AASS: variants seen among roughly 807,000 people sequenced by gnomAD.
The protein encoded by AASS is alpha-aminoadipic semialdehyde synthase, mitochondrial.
In AASS, 86 loss-of-function variants were observed where a neutral mutation model predicts 105.4. The observed-to-expected ratio is 0.82, with a 90% CI of 0.69 to 0.98. The LOEUF (loss-of-function observed/expected upper bound fraction) is 0.98. Ranked by LOEUF, AASS falls within the 50% of genes least tolerant of loss-of-function variation. AASS has a pLI of 0.00. For missense variants in AASS, 1,048 were observed against 1,143.2 expected, an observed-to-expected ratio of 0.92 and a Z score of 1.20; for synonymous variants, 381 against 394.8, an observed-to-expected ratio of 0.96 and a Z score of 0.41.
intron 4 of AASS, among the ~76,000 whole-genome samples, chr7:122,122,481 A>C (rs1795484174): frequency 6.6e-6 from 1 of 152,198 alleles, no homozygotes; most frequent in South Asian, 2.1e-4. Context: ...ATGCTCCTAA[A>C]AGGAAAACAA....
rs1255544805 is a variant in AASS, at chr7:122,074,938, C to T, written c.*1551G>A. Among the ~76,000 whole-genome samples the T allele has an allele frequency of 1.3e-5, 2 of 152,146 alleles. No individual in the cohort carries two copies. Among genetic ancestry groups the T allele is most frequent in the African/African-American group, 4.8e-5 (2 of 41,426 alleles). The stretch of plus-strand genomic sequence containing the variant: ...GCAGTGACCCAGTTATAGCTCATTG[C>T]AGCTTCGAACTTTGGGGCTCAAGCC... On this transcript the variant is annotated 3_prime_UTR_variant, in exon 24 of 24. Coordinates refer to ENST00000417368, the MANE Select transcript of AASS (RefSeq NM_005763.4).
intron 3 of AASS, among the ~76,000 whole-genome samples, chr7:122,127,829 C>A (rs1795725493): frequency 2.6e-5 from 4 of 152,086 alleles, no homozygotes; most frequent in Non-Finnish European, 5.9e-5. Flanking sequence ...GCTCTAGACA[C>A]CACCTGGTCT....
At chr7:122,125,317 A>G (rs1795608132) in intron 4 of AASS, among the ~76,000 whole-genome samples, 1 of 152,230 alleles carries the variant, frequency 6.6e-6, no homozygotes, top group Admixed American at 6.5e-5. Context: ...ATTAATAATA[A>G]GCAGAATGAC....
Position 122,086,079 on chromosome 7 carries a change from G to C in AASS, c.2117C>G (p.Thr706Arg), listed in dbSNP as rs147491865. 2.5e-6 allele frequency: 4 copies of C among 1,613,444 alleles called. No homozygotes were observed. In the African/African-American group the frequency reaches 5.3e-5, roughly 22 times the overall value. The change falls in exon 19 of 24, where the codon ACG becomes AGG. Residue 706 changes from threonine to arginine, a missense_variant. By Grantham distance (71) the Thr-to-Arg change is moderately conservative. Coordinates refer to ENST00000417368, the MANE Select transcript of AASS (RefSeq NM_005763.4). ...AATGCCATAAATCTCAGCATATTTC[G>C]TACTGTCTCTGTTAGGATAGCCTTC... ...NLEGYPNRDS[T>R]KYAEIYGISS...
intron 18 of AASS, among the ~76,000 whole-genome samples, chr7:122,087,788 T>C (rs1793697451): frequency 1.3e-5 from 2 of 152,204 alleles, no homozygotes; most frequent in African/African-American, 4.8e-5. Flanking sequence ...GTTTGCTTGT[T>C]TGAAAGTCAG....
At chr7:122,120,135 G>T (rs539125738) in intron 4 of AASS, among the ~76,000 whole-genome samples, 15 of 152,170 alleles carry the variant, frequency 9.9e-5, no homozygotes, top group Admixed American at 9.8e-4. Flanking sequence ...TATTTCAGTT[G>T]ATTTCTCTGC....
chr7:122,116,947 G>C lies in AASS; in HGVS notation c.698C>G (p.Ala233Gly). ...TTCACAAGGTAGCTCATTAAAGATT[G>C]CTTGGGCTCCCTACAAATAACACAT... ...GTGNVSKGAQAIFNELPCEYV... is the reference protein window; with the variant it reads ...GTGNVSKGAQGIFNELPCEYV... Residue 233 changes from alanine to glycine, a missense_variant, in exon 7 of 24, where the codon GCA (alanine) becomes GGA (glycine). Ala to Gly is a moderately conservative substitution (Grantham distance 60). Coordinates refer to ENST00000417368, the MANE Select transcript of AASS (RefSeq NM_005763.4). 1 of 1,613,728 alleles carries C rather than the reference G, an allele frequency of 6.2e-7. No individual in the cohort carries two copies. The highest frequency in any genetic ancestry group is 8.5e-7 in the Non-Finnish European group (1 of 1,179,894).
intron 15 of AASS, among the ~76,000 whole-genome samples, chr7:122,097,049 G>T (rs938669210): frequency 1.3e-5 from 2 of 151,936 alleles, no homozygotes; most frequent in Admixed American, 6.6e-5. Context: ...AAAAATTAAC[G>T]CTCATAACAT....
chr7:122,133,810 G>C, intron 1 of AASS, 69 bp from the exon 2 acceptor site: 3 of 1,313,678 alleles, frequency 2.3e-6, no homozygotes, highest in Non-Finnish European at 3.3e-6. Context: ...CTGGTCTCCT[G>C]AGAAATCTGA....
At chr7:122,103,616 G>T (rs1794532295) in intron 11 of AASS, among the ~76,000 whole-genome samples, 1 of 151,940 alleles carries the variant, frequency 6.6e-6, no homozygotes, top group Admixed American at 6.6e-5. Context: ...CTCTAGGATG[G>T]AAGTTAAAAT....
chr7:122,136,217 C>T (rs750137718), intron 1 of AASS, among the ~76,000 whole-genome samples: 5 of 152,142 alleles, frequency 3.3e-5, no homozygotes, highest in Non-Finnish European at 7.4e-5. Flanking sequence ...GAAGGCTTGA[C>T]CAAACAATTA....
At chr7:122,090,811 A>G (rs1157893323) in intron 18 of AASS, among the ~76,000 whole-genome samples, 1 of 151,922 alleles carries the variant, frequency 6.6e-6, no homozygotes, top group African/African-American at 2.4e-5. Flanking sequence ...TAACTCCCTA[A>G]ACCTGATTTT....
In AASS at chr7:122,092,879, C is replaced by T. The variant is rs750790934; in HGVS notation, c.1839G>A (p.Met613Ile). 1 of 1,613,890 alleles carries T rather than the reference C, an allele frequency of 6.2e-7. No homozygotes were observed. Among genetic ancestry groups the T allele is most frequent in the Non-Finnish European group, 8.5e-7 (1 of 1,179,890 alleles). Residue 613 changes from methionine (M) to isoleucine (I), a missense_variant, in exon 17 of 24, where the codon ATG becomes ATA. Transcript: ENST00000417368. ...CTTCCTTGGCTTTATCTATTGTTTC[C>T]ATTGCTAACATGTGATCCAGACCAG... is the stretch of plus-strand genomic sequence containing the variant. ...LDPGLDHMLA[M>I]ETIDKAKEVG...
chr7:122,079,735 T>C (rs1293715470), intron 20 of AASS, 23 bp from the exon 21 acceptor site: 1 of 1,561,320 alleles, frequency 6.4e-7, no homozygotes, highest in Non-Finnish European at 8.8e-7. Context: ...AGAAATACAA[T>C]ATTTCTAAGT....
At chr7:122,094,703 A>C (rs1212199036) in intron 15 of AASS, among the ~76,000 whole-genome samples, 1 of 152,078 alleles carries the variant, frequency 6.6e-6, no homozygotes, top group Non-Finnish European at 1.5e-5. Flanking sequence ...CAAAGCCAAA[A>C]TTGTTGAAAA....
intron 1 of AASS, among the ~76,000 whole-genome samples, chr7:122,135,061 G>T (rs1796080934): frequency 6.6e-6 from 1 of 152,046 alleles, no homozygotes; most frequent in Non-Finnish European, 1.5e-5. Context: ...ACTCACAGGT[G>T]GGAATTGAAC....
intron 4 of AASS, among the ~76,000 whole-genome samples, chr7:122,120,998 G>A (rs775555457): frequency 1.4e-4 from 22 of 151,992 alleles, no homozygotes; most frequent in Non-Finnish European, 2.2e-4. Flanking sequence ...GGCCATTAAT[G>A]TAACTATTGA....
Position 122,078,907 on chromosome 7 carries a change from T to C in AASS, c.2440A>G (p.Ile814Val), listed in dbSNP as rs774571411. Residue 814 changes from isoleucine to valine, a missense_variant, in exon 22 of 24, where the codon ATT becomes GTT. Transcript: ENST00000417368. ...AAATGCTTGGAGAGGGCATCCAGAA[T>C]GGACTCTGCCTGAGGAACTTGTTCA... ...GDEQVPQAES[I>V]LDALSKHLVM... 1 of 1,614,148 alleles carries C rather than the reference T, an allele frequency of 6.2e-7. No individual in the cohort carries two copies. Among genetic ancestry groups the C allele is most frequent in the Non-Finnish European group, 8.5e-7 (1 of 1,180,028 alleles).
chr7:122,119,084 T>C (rs1422469395), intron 4 of AASS, among the ~76,000 whole-genome samples: 1 of 152,174 alleles, frequency 6.6e-6, no homozygotes, highest in Non-Finnish European at 1.5e-5. Flanking sequence ...CCATCATCTA[T>C]TTAGTGACCT....
Sources: allele counts gnomAD v4.1 joint callset (sites outside exome capture counted in the v4.1 genomes callset), GRCh38; gene constraint gnomAD v4.1.1; transcripts MANE v1.5; gene names NCBI Gene and HGNC (gene_info 2026-07-23, HGNC 2026-07-21).